The following SLIT3 variants were observed in gnomAD, a reference collection of about 807,000 sequenced individuals.
SLIT3 encodes the protein slit homolog 3 protein.
In SLIT3, 68 loss-of-function variants were observed where a neutral mutation model predicts 184.0. That is an observed-to-expected ratio of 0.37 (90% confidence interval 0.30 to 0.45). SLIT3 has a LOEUF of 0.45. SLIT3 is among the 20% of genes least tolerant of loss of function. SLIT3 has a pLI of 1.00. For missense variants in SLIT3, 1,707 were observed against 2,026.0 expected, an observed-to-expected ratio of 0.84 and a Z score of 3.02; for synonymous variants, 831 against 828.6, an observed-to-expected ratio of 1.00 and a Z score of -0.05.
chr5:168,675,690 G>T (rs1053798274), intron 32 of SLIT3, among the ~76,000 whole-genome samples: 3 of 152,064 alleles, frequency 2.0e-5, no homozygotes, highest in African/African-American at 7.2e-5. Flanking sequence ...AACATAGCAC[G>T]ACCCCTATTT....
At chr5:169,227,908 G>T (rs555447690) in intron 3 of SLIT3, among the ~76,000 whole-genome samples, 1 of 152,286 alleles carries the variant, frequency 6.6e-6, no homozygotes, top group South Asian at 2.1e-4. Flanking sequence ...TCATCTTCAA[G>T]ATGATGTCTA....
chr5:168,883,473 G>T, intron 4 of SLIT3, 137 bp from the exon 5 acceptor site: 1 of 638,872 alleles, frequency 1.6e-6, no homozygotes, highest in African/African-American at 1.8e-5. Flanking sequence ...TTGGTCTCGG[G>T]CCCCAGGCTG....
chr5:168,940,429 T>C (rs1434190009), intron 4 of SLIT3, among the ~76,000 whole-genome samples: 1 of 152,180 alleles, frequency 6.6e-6, no homozygotes, highest in African/African-American at 2.4e-5. Flanking sequence ...ATTATTTCTA[T>C]TTAAATGACA....
chr5:168,753,150 C>A, intron 17 of SLIT3, 52 bp from the exon 18 acceptor site: 1 of 1,593,206 alleles, frequency 6.3e-7, no homozygotes, highest in Non-Finnish European at 8.6e-7. Flanking sequence ...CTTTTCTGTC[C>A]CAAATGGTGC....
intron 4 of SLIT3, among the ~76,000 whole-genome samples, chr5:169,115,467 C>A (rs1760625812): frequency 1.3e-5 from 2 of 152,142 alleles, no homozygotes; most frequent in African/African-American, 2.4e-5. Flanking sequence ...CTTATGATAA[C>A]CCTGGGCAGT....
chr5:168,814,405 A>G (rs950043353), intron 8 of SLIT3, among the ~76,000 whole-genome samples: 25 of 108,492 alleles, frequency 2.3e-4, no homozygotes, highest in African/African-American at 4.3e-4. Flanking sequence ...AAGCAAACAA[A>G]CAAACAAACA....
intron 34 of SLIT3, among the ~76,000 whole-genome samples, chr5:168,670,270 A>G (rs1761196013): frequency 6.6e-6 from 1 of 152,220 alleles, no homozygotes; most frequent in South Asian, 2.1e-4. Flanking sequence ...GCCAAGTAGC[A>G]AACAACTGCT....
At chr5:169,248,464 T>G (rs1765671145) in intron 2 of SLIT3, among the ~76,000 whole-genome samples, 1 of 152,156 alleles carries the variant, frequency 6.6e-6, no homozygotes, top group Non-Finnish European at 1.5e-5. Context: ...ACTTCTGGGC[T>G]GAGATGCAAG....
At chr5:169,124,253 T>C (rs1760996618) in intron 4 of SLIT3, among the ~76,000 whole-genome samples, 1 of 152,026 alleles carries the variant, frequency 6.6e-6, no homozygotes, top group African/African-American at 2.4e-5. Context: ...CTTGATGGAG[T>C]TGTACTGGGA....
At chr5:169,179,912 G>A (rs1763104027) in intron 4 of SLIT3, among the ~76,000 whole-genome samples, 1 of 152,144 alleles carries the variant, frequency 6.6e-6, no homozygotes, top group African/African-American at 2.4e-5. Context: ...GTAACTGACT[G>A]TAGAGTCAAC....
Position 169,140,403 on chromosome 5 carries a change from C to T in SLIT3, c.413+53076G>A, listed in dbSNP as rs1002402155. On this transcript the variant is annotated intron_variant, in intron 4 of 35. Transcript: ENST00000519560. ...GCTGAGACAGCAGAATTGCTTGTAC[C>T]TGGGAGGCGGAGGTTGCAGTGAGCA... 2.1e-5 allele frequency among the ~76,000 whole-genome samples: 3 copies of T among 140,130 alleles called. No individual in the cohort carries two copies. The South Asian group carries it at 7.1e-4, about 33-fold the overall frequency. 91.9% of individuals were successfully genotyped at this position (140,130 alleles called of 152,430 possible). A position where few individuals can be genotyped will look rare whatever the true frequency, so the allele number is the denominator to read the frequency against.
At chr5:168,762,741 C>T in intron 14 of SLIT3, 52 bp from the exon 15 acceptor site, 2 of 1,587,210 alleles carry the variant, frequency 1.3e-6, no homozygotes, top group Non-Finnish European at 1.7e-6. Flanking sequence ...CCACGCACAG[C>T]CCCAGGTTGT....
intron 20 of SLIT3, among the ~76,000 whole-genome samples, chr5:168,738,964 C>T (rs1763527113): frequency 7.0e-6 from 1 of 142,862 alleles, no homozygotes; most frequent in Non-Finnish European, 1.5e-5. Flanking sequence ...AAAAGCAGCT[C>T]ACAGTATTTG....
chr5:168,880,525 C>T (rs1223243386), intron 5 of SLIT3, among the ~76,000 whole-genome samples: 2 of 152,206 alleles, frequency 1.3e-5, no homozygotes, highest in African/African-American at 2.4e-5. Flanking sequence ...ACAGTCTTCA[C>T]TATTGTAACA....
At chr5:168,762,713 G>A (rs1299285564) in intron 14 of SLIT3, 24 bp from the exon 15 acceptor site, 4 of 1,608,692 alleles carry the variant, frequency 2.5e-6, no homozygotes, top group East Asian at 2.2e-5. Context: ...AAGAGGGGAC[G>A]TCAGCGTCAC....
At chr5:169,257,769 G>T (rs890272817) in intron 1 of SLIT3, among the ~76,000 whole-genome samples, 1 of 151,896 alleles carries the variant, frequency 6.6e-6, no homozygotes, top group African/African-American at 2.4e-5. Flanking sequence ...TGGCCAGGCT[G>T]TTCTCAAACT....
intron 4 of SLIT3, among the ~76,000 whole-genome samples, chr5:168,981,256 G>C (rs1754936484): frequency 6.6e-6 from 1 of 152,118 alleles, no homozygotes; most frequent in African/African-American, 2.4e-5. Flanking sequence ...ATATGCATTT[G>C]GCTCACTGTG....
At chr5:168,820,114 G>A (rs1032788754) in intron 7 of SLIT3, among the ~76,000 whole-genome samples, 3 of 152,198 alleles carry the variant, frequency 2.0e-5, no homozygotes, top group Non-Finnish European at 4.4e-5. Context: ...TGAAATTAGA[G>A]CTTAGGCACT....
At chr5:168,727,782 G>C (rs1387360144) in intron 20 of SLIT3, among the ~76,000 whole-genome samples, 2 of 152,188 alleles carry the variant, frequency 1.3e-5, no homozygotes, top group East Asian at 1.9e-4. Flanking sequence ...ACACTGGGAG[G>C]GGGTATGTAT....
Sources: gnomAD v4.1 joint callset for allele counts (sites outside exome capture counted in the v4.1 genomes callset) on GRCh38, gnomAD v4.1.1 for gene constraint, MANE v1.5 for transcripts, NCBI Gene and HGNC (gene_info 2026-07-23, HGNC 2026-07-21) for gene names.